The following GGN variants were observed in gnomAD, a reference collection of about 807,000 sequenced individuals.
GGN encodes gametogenetin.
In GGN, 27 loss-of-function variants were observed where a neutral mutation model predicts 35.5. The ratio of observed to expected loss-of-function variants is 0.76; its 90% CI spans 0.56 to 1.05. GGN has a LOEUF of 1.05. Ranked by LOEUF, GGN falls within the 50% of genes least tolerant of loss-of-function variation. GGN has a pLI of 0.00. For synonymous variants in GGN, 425 were observed against 444.1 expected (o/e 0.96, Z 0.54); for missense variants, 1,006 against 940.7 (o/e 1.07, Z -0.91).
intron 3 of GGN, among the ~76,000 whole-genome samples, 158 bp downstream of exon 3, chr19:38,385,263 G>A (rs1449236440): frequency 6.6e-6 from 1 of 152,196 alleles, no homozygotes; most frequent in Admixed American, 6.5e-5. Flanking sequence ...TGGGATCATG[G>A]GTCCTCTTGG....
In GGN at chr19:38,386,495, G is replaced by C. The variant is rs200014832; in HGVS notation, c.767C>G (p.Pro256Arg). 1 of 1,612,912 alleles carries C rather than the reference G, an allele frequency of 6.2e-7. No individual in the cohort carries two copies. The highest frequency in any genetic ancestry group is 2.2e-5 in the East Asian group (1 of 44,882). ...GGCTGCTAAGGAACTCGAGGCTGCC[G>C]GAGGGGCCAAAGAGGGCCTCGACTT... ...TFKSRPSLAP[P>R]AASSSLAAKA... Residue 256 changes from proline to arginine, a missense_variant, in exon 3 of 4, where the codon CCG becomes CGG. By Grantham distance (103) the Pro-to-Arg change is moderately radical. Transcript: ENST00000334928.
In GGN at chr19:38,385,774, T is replaced by TGGGGCC. The variant is rs1019458712; in HGVS notation, c.1482_1487dup (p.Ala495_Pro496dup). The TGGGGCC allele has an allele frequency of 1.4e-5, 22 of 1,571,738 alleles. No individual in the cohort carries two copies. The highest frequency in any genetic ancestry group is 1.9e-5 in the Non-Finnish European group (22 of 1,163,306). On this transcript the variant is annotated inframe_insertion, in exon 3 of 4. Transcript: ENST00000334928. ...CCACGGTGGGAGCTGGAGCCGGGGA[T>TGGGGCC]GGGGCCGGGGCCTGGTCGGCGGCTA... is the stretch of plus-strand genomic sequence containing the variant.
rs200079343 is a variant in GGN at position 38,385,646 on chromosome 19, C to T, written c.1616G>A (p.Arg539His). Residue 539 changes from arginine to histidine, a missense_variant, in exon 3 of 4, where the codon CGT becomes CAT. Physicochemically the swap from Arg to His is conservative, Grantham distance 29. Transcript: ENST00000334928. ...ACCATCTCCATGCAAGCCATCCTTA[C>T]GGGTCGCGCCCCGGGCTGCACGGGA... ...KGSRAARGAT[R>H]KDGLHGDGPR... is the part of the protein sequence containing the mutation. The T allele has an allele frequency of 1.5e-5, 25 of 1,613,908 alleles. No individual in the cohort carries two copies. Among genetic ancestry groups the T allele is most frequent in the Admixed American group, 3.3e-5 (2 of 60,012 alleles).
In GGN at chr19:38,385,402, G is replaced by C. The variant is rs777602810; in HGVS notation, c.1841+19C>G. 2.5e-6 allele frequency: 4 copies of C among 1,613,082 alleles called. No individual in the cohort carries two copies. In the African/African-American group the frequency reaches 5.3e-5, roughly 22 times the overall value. On this transcript the variant is annotated intron_variant, in intron 3 of 3. Coordinates refer to ENST00000334928, the MANE Select transcript of GGN (RefSeq NM_152657.4). ...GCAGTCTGGGGTTCGGCACCCTCCT[G>C]TCCCTTCTCCCCTCTCACCAGGCAG...
In GGN at chr19:38,387,484, A is replaced by G. The variant is rs1481810652; in HGVS notation, c.-19-204T>C. On this transcript the variant is annotated intron_variant, in intron 2 of 3. Coordinates refer to ENST00000334928, the MANE Select transcript of GGN (RefSeq NM_152657.4). This position sits in a 1 kb window ranked among gnomAD's most constrained non-coding sequence, Gnocchi z 5.3. ...CATGTCCCCAACACAGCTGCTGTTA[A>G]GATACTTCACTACCAGCCCCATTAT... Among the ~76,000 whole-genome samples, 1 of 152,064 alleles carries G rather than the reference A, an allele frequency of 6.6e-6. No homozygotes were observed. Among genetic ancestry groups the G allele is most frequent in the Non-Finnish European group, 1.5e-5 (1 of 67,994 alleles).
At position 38,387,463 on chromosome 19, in the gene GGN, TCCC is replaced by T. The variant is rs1253045742; in HGVS notation, c.-19-186_-19-184del. ...CGACACTCACGCCTTCTTGCCCATGTCCCCAACACAGCTGCTGTTAAGATACTT... is the reference window on the plus strand; with the variant it reads ...CGACACTCACGCCTTCTTGCCCATGTCAACACAGCTGCTGTTAAGATACTT... On this transcript the variant is annotated intron_variant, in intron 2 of 3. Coordinates refer to ENST00000334928, the MANE Select transcript of GGN (RefSeq NM_152657.4). The surrounding 1 kb of genome is among the most constrained non-coding windows in gnomAD (Gnocchi z 5.3). Among the ~76,000 whole-genome samples the T allele has an allele frequency of 2.6e-5, 4 of 152,000 alleles. No individual in the cohort carries two copies. Among genetic ancestry groups the T allele is most frequent in the Non-Finnish European group, 5.9e-5 (4 of 68,002 alleles).
At position 38,387,332 on chromosome 19, in the gene GGN, C is replaced by G. The variant is rs1005241620; in HGVS notation, c.-19-52G>C. The G allele has an allele frequency of 5.4e-6, 8 of 1,490,064 alleles. No homozygotes were observed. Among genetic ancestry groups the G allele is most frequent in the Non-Finnish European group, 5.3e-6 (6 of 1,122,296 alleles). 92.3% of individuals were successfully genotyped at this position (1,490,064 alleles called of 1,614,324 possible). ...GCCTGCCAGGGCCGTGGGGACCCTA[C>G]GAGGCTGGCTGTACTTGATCTAATG... On this transcript the variant is annotated intron_variant, in intron 2 of 3. Transcript: ENST00000334928. The surrounding 1 kb of genome is among the most constrained non-coding windows in gnomAD (Gnocchi z 5.3).
Position 38,385,705 on chromosome 19 carries a change from CGCAGCCGCGGGT to C in GGN, c.1545_1556del (p.Ala517_Pro520del), listed in dbSNP as rs778330856. The C allele has an allele frequency of 7.4e-6, 12 of 1,612,080 alleles. No individual in the cohort carries two copies. Among genetic ancestry groups the C allele is most frequent in the Non-Finnish European group, 1.0e-5 (12 of 1,179,374 alleles). On this transcript the variant is annotated inframe_deletion, in exon 3 of 4. Coordinates refer to ENST00000334928, the MANE Select transcript of GGN (RefSeq NM_152657.4). ...TCCTGCGCGTGCGGGTCTTGATGGG[CGCAGCCGCGGGT>C]GCGGGCGCGGACACAGGCGGCGAGG...
In GGN at chr19:38,386,734, T is replaced by G; in HGVS notation, c.528A>C (p.Pro176=). 6.2e-7 allele frequency: 1 copy of G among 1,608,824 alleles called. No individual in the cohort carries two copies. The highest frequency in any genetic ancestry group is 8.5e-7 in the Non-Finnish European group (1 of 1,176,626). The part of the protein sequence containing the change: ...PPLETWKPPP[P]LPSERQPADR... ...CCGCCGGCTGCCGTTCAGAAGGTAA[T>G]GGTGGTGGCGGCTTCCAAGTCTCCA... is the stretch of plus-strand genomic sequence containing the variant. The change falls in exon 3 of 4, where the codon CCA becomes CCC. Residue 176 remains proline, a synonymous_variant. Coordinates refer to ENST00000334928, the MANE Select transcript of GGN (RefSeq NM_152657.4).
chr19:38,386,733 ATGG>A lies in GGN; in HGVS notation c.526_528del (p.Pro176del), dbSNP rs1294679993. 5 of 1,608,936 alleles carry A rather than the reference ATGG, an allele frequency of 3.1e-6. No individual in the cohort carries two copies. The highest frequency in any genetic ancestry group is 3.4e-6 in the Non-Finnish European group (4 of 1,176,698). The stretch of plus-strand genomic sequence containing the variant: ...TCCGCCGGCTGCCGTTCAGAAGGTA[ATGG>A]TGGTGGCGGCTTCCAAGTCTCCAGG... On this transcript the variant is annotated inframe_deletion, in exon 3 of 4. Transcript: ENST00000334928.
rs779773806 is a variant in GGN at position 38,386,453 on chromosome 19, C to T, written c.809G>A (p.Gly270Asp). Reference sequence around the variant, plus strand: ...AGCAAAGAGGCCGCCGCCTCCGCCGCCCCCCAGCGAAGCTTTGGCTGCTAA... The same window carrying T: ...AGCAAAGAGGCCGCCGCCTCCGCCGTCCCCCAGCGAAGCTTTGGCTGCTAA... ...SSLAAKASLG[G>D]GGGGGLFAAS... The change falls in exon 3 of 4, where the codon GGC becomes GAC. Residue 270 changes from glycine to aspartate, a missense_variant. Physicochemically the swap from Gly to Asp is moderately conservative, Grantham distance 94. Coordinates refer to ENST00000334928, the MANE Select transcript of GGN (RefSeq NM_152657.4). 8 of 1,612,740 alleles carry T rather than the reference C, an allele frequency of 5.0e-6. No homozygotes were observed. Among genetic ancestry groups the T allele is most frequent in the East Asian group, 2.2e-5 (1 of 44,878 alleles).
At position 38,387,357 on chromosome 19, in the gene GGN, G is replaced by T. The variant is rs62123482; in HGVS notation, c.-19-77C>A. On this transcript the variant is annotated intron_variant, in intron 2 of 3. Coordinates refer to ENST00000334928, the MANE Select transcript of GGN (RefSeq NM_152657.4). This position sits in a 1 kb window ranked among gnomAD's most constrained non-coding sequence, Gnocchi z 5.3. ...CGAGGCTGGCTGTACTTGATCTAAT[G>T]CGTCCGCACCGGCCCCGCCCCTGTT... The T allele has an allele frequency of 0.46, 667,166 of 1,451,086 alleles. 161,732 individuals are homozygous for T. Among genetic ancestry groups the T allele is most frequent in the Middle Eastern group, 0.56 (3,022 of 5,414 alleles). 89.9% of individuals were successfully genotyped at this position (1,451,086 alleles called of 1,614,324 possible). A position where few individuals can be genotyped will look rare whatever the true frequency, so the allele number is the denominator to read the frequency against.
Position 38,387,084 on chromosome 19 carries a change from G to A in GGN, c.178C>T (p.Leu60Phe). The change falls in exon 3 of 4, where the codon CTC becomes TTC. Residue 60 changes from leucine (L) to phenylalanine (F), a missense_variant. By Grantham distance (22) the Leu-to-Phe change is conservative. Transcript: ENST00000334928. This position sits in a 1 kb window ranked among gnomAD's most constrained non-coding sequence, Gnocchi z 5.3. Reference protein sequence around the residue: ...WFPGSATPPGLMVPREPQASP... With the variant: ...WFPGSATPPGFMVPREPQASP... ...GCCTGGGGCTCCCGGGGTACCATGA[G>A]TCCCGGGGGTGTGGCGCTGCCAGGG... 1 of 1,558,828 alleles carries A rather than the reference G, an allele frequency of 6.4e-7. No homozygotes were observed. Among genetic ancestry groups the A allele is most frequent in the South Asian group, 1.2e-5 (1 of 84,882 alleles).
In GGN at chr19:38,387,730, GC is replaced by G; in HGVS notation, c.-20+30del. On this transcript the variant is annotated intron_variant, in intron 2 of 3. Coordinates refer to ENST00000334928, the MANE Select transcript of GGN (RefSeq NM_152657.4). This position sits in a 1 kb window ranked among gnomAD's most constrained non-coding sequence, Gnocchi z 5.3. ...ACCCCTGTCCCCAAGCTCCGCCCTG[GC>G]CCCGCCTCCCCCCAGAGGAACCCAC... 1 of 162,162 alleles carries G rather than the reference GC, an allele frequency of 6.2e-6. No homozygotes were observed. Among genetic ancestry groups the G allele is most frequent in the Non-Finnish European group, 1.4e-5 (1 of 73,550 alleles). 10.0% of individuals were successfully genotyped at this position (162,162 alleles called of 1,614,324 possible).
chr19:38,386,796 T>G lies in GGN; in HGVS notation c.466A>C (p.Thr156Pro), dbSNP rs1435409830. 6.2e-7 allele frequency: 1 copy of G among 1,610,322 alleles called. No homozygotes were observed. The highest frequency in any genetic ancestry group is 1.7e-5 in the Admixed American group (1 of 59,688). The part of the protein sequence containing the change: ...PPPRQLSVKD[T>P]VPRAPSQFPP... ...AATTGGGATGGGGCCCTCGGGACAG[T>G]GTCCTTCACGGATAGTTGCCGGGGC... The change falls in exon 3 of 4, where the codon ACT (threonine) becomes CCT (proline). Residue 156 changes from threonine to proline, a missense_variant. Transcript: ENST00000334928.
Position 38,386,127 on chromosome 19 carries a change from G to A in GGN, c.1135C>T (p.Arg379Cys), listed in dbSNP as rs1373249237. The change falls in exon 3 of 4, where the codon CGT becomes TGT. Residue 379 changes from arginine (R) to cysteine (C), a missense_variant. Physicochemically the swap from Arg to Cys is radical, Grantham distance 180. Transcript: ENST00000334928. The part of the protein sequence containing the change: ...AGGGIGAPRR[R>C]AAALSGPWGS... ...CAAGGCCCAGAGAGTGCGGCCGCAC[G>A]CCGTCGCGGCGCCCCGATGCCTCCG... The A allele has an allele frequency of 1.3e-6, 2 of 1,580,566 alleles. No individual in the cohort carries two copies. Among genetic ancestry groups the A allele is most frequent in the Non-Finnish European group, 1.7e-6 (2 of 1,167,754 alleles).
Position 38,387,165 on chromosome 19 carries a change from C to A in GGN, c.97G>T (p.Glu33Ter). 6.3e-7 allele frequency: 1 copy of A among 1,586,134 alleles called. No homozygotes were observed. The highest frequency in any genetic ancestry group is 8.6e-7 in the Non-Finnish European group (1 of 1,166,394). ...ATGGCCTGGGAGGTCATCTCGGGCT[C>A]CACCAGGGACGTCCGGCGGGAGTCG... ...APDSRRTSLV[E>*]PEMTSQAMRL... Residue 33 changes from glutamate (E) to a stop codon, truncating the protein, a stop_gained, in exon 3 of 4, where the codon GAG becomes TAG. Coordinates refer to ENST00000334928, the MANE Select transcript of GGN (RefSeq NM_152657.4). LOFTEE classifies it high-confidence loss of function. The surrounding 1 kb of genome is among the most constrained non-coding windows in gnomAD (Gnocchi z 5.3).
chr19:38,386,286 G>A lies in GGN; in HGVS notation c.976C>T (p.Pro326Ser). ...CGGGCTTGGGACGCAGGCGCCGAGG[G>A]AGGACCAGAGCACCCTTCGCCGTCT... The part of the protein sequence containing the change: ...DGDGEGCSGP[P>S]SAPASQARAL... The change falls in exon 3 of 4, where the codon CCC becomes TCC. Residue 326 changes from proline (P) to serine (S), a missense_variant. Physicochemically the swap from Pro to Ser is moderately conservative, Grantham distance 74. Coordinates refer to ENST00000334928, the MANE Select transcript of GGN (RefSeq NM_152657.4). The A allele has an allele frequency of 6.2e-7, 1 of 1,610,008 alleles. No individual in the cohort carries two copies.
Position 38,385,438 on chromosome 19 carries a change from T to C in GGN, c.1824A>G (p.Pro608=). ...CCTCTCACCAGGCAGAGACGTTGCG[T>C]GGCAGGCGGCGATGGCGTGGCTGGT... ...CHHQPRHRRL[P]RNVSAWLSTS... is the part of the protein sequence containing the mutation. The change falls in exon 3 of 4, where the codon CCA becomes CCG. Residue 608 remains proline, a synonymous_variant. Coordinates refer to ENST00000334928, the MANE Select transcript of GGN (RefSeq NM_152657.4). The C allele has an allele frequency of 6.2e-7, 1 of 1,614,084 alleles. No individual in the cohort carries two copies. Among genetic ancestry groups the C allele is most frequent in the Non-Finnish European group, 8.5e-7 (1 of 1,180,038 alleles).
Sources: allele counts gnomAD v4.1 joint callset (sites outside exome capture counted in the v4.1 genomes callset), GRCh38; gene constraint gnomAD v4.1.1; non-coding constraint Gnocchi (gnomAD v3.1); transcripts MANE v1.5; gene names NCBI Gene and HGNC (gene_info 2026-07-23, HGNC 2026-07-21).